PHACTR3: variants seen among roughly 807,000 people sequenced by gnomAD.
PHACTR3 encodes the protein phosphatase and actin regulator 3, also known as protein phosphatase 1, regulatory subunit 123.
In PHACTR3, 16 loss-of-function variants were observed where a neutral mutation model predicts 66.8. The ratio of observed to expected loss-of-function variants is 0.24; its 90% CI spans 0.16 to 0.36. PHACTR3 has a LOEUF of 0.36. PHACTR3 is among the 10% of genes least tolerant of loss of function. PHACTR3 has a pLI of 1.00. For synonymous variants in PHACTR3, 323 were observed against 292.1 expected, an observed-to-expected ratio of 1.11 and a Z score of -1.08; for missense variants, 647 against 719.9, an observed-to-expected ratio of 0.90 and a Z score of 1.16.
intron 7 of PHACTR3, among the ~76,000 whole-genome samples, chr20:59,789,616 A>G (rs1373842070): frequency 2.0e-5 from 3 of 152,256 alleles, no homozygotes; most frequent in African/African-American, 7.2e-5. Context: ...ACAATGAATG[A>G]CCAGATGGAG....
rs1555881160 is a variant in PHACTR3 at position 59,635,149 on chromosome 20, T to TTCTTTCCTTCC, written c.118+30018_118+30019insCTTTCCTTCCT. On this transcript the variant is annotated intron_variant, in intron 1 of 12. Coordinates refer to ENST00000371015, the MANE Select transcript of PHACTR3 (RefSeq NM_080672.5). ...TTTCTTTCTTTCTTTCTTTCTTTCT[T>TTCTTTCCTTCC]TTTCTTTCTTTCTTTCTTTCCTTTC... is the stretch of plus-strand genomic sequence containing the variant. Among the ~76,000 whole-genome samples, 119 of 60,402 alleles carry TTCTTTCCTTCC rather than the reference T, an allele frequency of 2.0e-3. 1 individual carries two copies. The highest frequency in any genetic ancestry group is 2.9e-3 in the Non-Finnish European group (91 of 31,742). 39.6% of individuals were successfully genotyped at this position (60,402 alleles called of 152,430 possible).
intron 1 of PHACTR3, among the ~76,000 whole-genome samples, chr20:59,635,149 T>TTCTTTCTTTCCTTCC (rs1555881160): frequency 3.1e-4 from 19 of 60,414 alleles, no homozygotes; most frequent in Admixed American, 5.9e-4. Flanking sequence ...CTTTCTTTCT[T>TTCTTTCTTTCCTTCC]TTTCTTTCTT....
intron 8 of PHACTR3, among the ~76,000 whole-genome samples, chr20:59,828,936 A>G (rs1192540079): frequency 6.6e-6 from 1 of 151,874 alleles, no homozygotes; most frequent in Non-Finnish European, 1.5e-5. Context: ...TTGGGGATGG[A>G]GAGAGGCAGA....
chr20:59,735,290 T>C (rs1684392767), intron 1 of PHACTR3, among the ~76,000 whole-genome samples: 1 of 152,154 alleles, frequency 6.6e-6, no homozygotes, highest in African/African-American at 2.4e-5. Flanking sequence ...CTGTCAAAAC[T>C]CAGAGCAGTC....
Position 59,839,672 on chromosome 20 carries a change from C to T in PHACTR3, c.1385-697C>T, listed in dbSNP as rs574249287. Among the ~76,000 whole-genome samples, 6 of 152,242 alleles carry T rather than the reference C, an allele frequency of 3.9e-5. No homozygotes were observed. The East Asian group carries it at 5.8e-4, about 15-fold the overall frequency. On this transcript the variant is annotated intron_variant, in intron 9 of 12. Transcript: ENST00000371015. Reference sequence around the variant, plus strand: ...TATTTTTGGCTTCCAAGGGTAGGTGCGAGCACAGCTTGAATGTTAATAGTC... The same window carrying T: ...TATTTTTGGCTTCCAAGGGTAGGTGTGAGCACAGCTTGAATGTTAATAGTC...
chr20:59,843,610 T>C (rs1295793571), intron 11 of PHACTR3: 1 of 152,134 alleles, frequency 6.6e-6, no homozygotes, highest in African/African-American at 2.4e-5. Context: ...TAAATGGTGC[T>C]GGGAAAATTG....
chr20:59,621,589 T>C (rs2034241959), intron 1 of PHACTR3, among the ~76,000 whole-genome samples: 1 of 152,206 alleles, frequency 6.6e-6, no homozygotes, highest in South Asian at 2.1e-4. Flanking sequence ...CCAGAATCCT[T>C]TGTAGATTTC....
At chr20:59,723,102 CTTTCTTTCT>C (rs2038404766) in intron 1 of PHACTR3, among the ~76,000 whole-genome samples, 1 of 135,630 alleles carries the variant, frequency 7.4e-6, no homozygotes, top group Non-Finnish European at 1.6e-5. Flanking sequence ...TTCTTTCTTT[CTTTCTTTCT>C]TTCTTTCTTC....
chr20:59,837,377 T>C (rs2058985170), intron 9 of PHACTR3, among the ~76,000 whole-genome samples: 2 of 152,224 alleles, frequency 1.3e-5, no homozygotes, highest in Admixed American at 1.3e-4. Flanking sequence ...GTTATAATGG[T>C]ACCAAGCTGA....
rs1600734113 is a variant in PHACTR3, at chr20:59,830,850, C to T, written c.1329-5655C>T. 6.6e-6 allele frequency among the ~76,000 whole-genome samples: 1 copy of T among 152,158 alleles called. No individual in the cohort carries two copies. The highest frequency in any genetic ancestry group is 2.4e-5 in the African/African-American group (1 of 41,432). On this transcript the variant is annotated intron_variant, in intron 8 of 12. Coordinates refer to ENST00000371015, the MANE Select transcript of PHACTR3 (RefSeq NM_080672.5). The surrounding 1 kb of genome is among the most constrained non-coding windows in gnomAD (Gnocchi z 5.8). ...GTCAGAGCTGGAACTGGAATCCTAGCTCTGTGCCAGTGCTGGGGCACCAGT... is the reference window on the plus strand; with the variant it reads ...GTCAGAGCTGGAACTGGAATCCTAGTTCTGTGCCAGTGCTGGGGCACCAGT...
chr20:59,805,001 A>G lies in PHACTR3; in HGVS notation c.1175-1040A>G, dbSNP rs531225161. On this transcript the variant is annotated intron_variant, in intron 7 of 12. Transcript: ENST00000371015. Reference sequence around the variant, plus strand: ...GCCCAAAAAAACTGCAAAACCACAGACTGCAAAACTGCAACCTACATCGCA... The same window carrying G: ...GCCCAAAAAAACTGCAAAACCACAGGCTGCAAAACTGCAACCTACATCGCA... 9.8e-5 allele frequency among the ~76,000 whole-genome samples: 15 copies of G among 152,310 alleles called. No individual in the cohort carries two copies. In the South Asian group the frequency reaches 1.0e-3, roughly 11 times the overall value.
chr20:59,722,770 G>C (rs2038366019), intron 1 of PHACTR3, among the ~76,000 whole-genome samples: 1 of 151,950 alleles, frequency 6.6e-6, no homozygotes, highest in Non-Finnish European at 1.5e-5. Context: ...GCCCTCAGGG[G>C]TTTGGGAGAG....
At chr20:59,828,932 A>T (rs2042268590) in intron 8 of PHACTR3, among the ~76,000 whole-genome samples, 1 of 151,730 alleles carries the variant, frequency 6.6e-6, no homozygotes. Context: ...GGCCTTGGGG[A>T]TGGAGAGAGG....
Position 59,634,085 on chromosome 20 carries a change from G to A in PHACTR3, c.118+28953G>A, listed in dbSNP as rs534000727. Among the ~76,000 whole-genome samples, 31 of 152,258 alleles carry A rather than the reference G, an allele frequency of 2.0e-4. 1 individual carries two copies. The highest frequency in any genetic ancestry group is 6.5e-4 in the African/African-American group (27 of 41,556). On this transcript the variant is annotated intron_variant, in intron 1 of 12. Coordinates refer to ENST00000371015, the MANE Select transcript of PHACTR3 (RefSeq NM_080672.5). ...CGTCACTGTTCAGCGCCCAGCTTTC[G>A]GTCTTCACCTTATTGCCTGGGAGAT...
intron 8 of PHACTR3, among the ~76,000 whole-genome samples, chr20:59,807,055 T>C (rs2041592377): frequency 6.6e-6 from 1 of 152,250 alleles, no homozygotes; most frequent in Admixed American, 6.5e-5. Flanking sequence ...ACGGGAAGGC[T>C]AGCACGCGAC....
chr20:59,726,275 TG>T (rs1316157781), intron 1 of PHACTR3, among the ~76,000 whole-genome samples: 1 of 152,204 alleles, frequency 6.6e-6, no homozygotes, highest in African/African-American at 2.4e-5. Context: ...GCCAGCTTTT[TG>T]TTGGCCCCCC....
At chr20:59,615,486 A>G (rs2033996145) in intron 1 of PHACTR3, among the ~76,000 whole-genome samples, 1 of 152,204 alleles carries the variant, frequency 6.6e-6, no homozygotes, top group Admixed American at 6.5e-5. Flanking sequence ...GCACATATGT[A>G]ATAAGTGCCA....
At chr20:59,733,071 CCTTTT>C (rs1568758132) in intron 1 of PHACTR3, among the ~76,000 whole-genome samples, 3 of 101,426 alleles carry the variant, frequency 3.0e-5, no homozygotes, top group Non-Finnish European at 4.1e-5. Flanking sequence ...TAAATTCACT[CCTTTT>C]TTTTTTTTTT....
At chr20:59,669,923 C>T (rs2036133278) in intron 1 of PHACTR3, among the ~76,000 whole-genome samples, 1 of 152,154 alleles carries the variant, frequency 6.6e-6, no homozygotes, top group Admixed American at 6.5e-5. Flanking sequence ...CCTAAATTGC[C>T]TTTCACAACG....
Sources: allele counts gnomAD v4.1 joint callset (sites outside exome capture counted in the v4.1 genomes callset), GRCh38; gene constraint gnomAD v4.1.1; non-coding constraint Gnocchi (gnomAD v3.1); transcripts MANE v1.5; gene names NCBI Gene and HGNC (gene_info 2026-07-23, HGNC 2026-07-21).